The following ADAMTS17 variants were observed in gnomAD, a reference collection of about 807,000 sequenced individuals.
ADAMTS17 encodes ADAM metallopeptidase with thrombospondin type 1 motif 17, also known as A disintegrin and metalloproteinase with thrombospondin motifs 17.
Under a neutral mutation model 141.5 loss-of-function variants are expected in ADAMTS17, and 113 were observed. The ratio of observed to expected loss-of-function variants is 0.80; its 90% confidence interval spans 0.69 to 0.93. ADAMTS17 has a LOEUF of 0.93. Ranked by LOEUF, ADAMTS17 falls within the 40% of genes least tolerant of loss-of-function variation. The pLI is 0.00. For synonymous variants in ADAMTS17, 768 were observed against 630.6 expected, an observed-to-expected ratio of 1.22 and a Z score of -3.27; for missense variants, 1,659 against 1,517.9, an observed-to-expected ratio of 1.09 and a Z score of -1.54.
At chr15:100,001,994 CAAAAAAAAAAA>C (rs71151931) in intron 18 of ADAMTS17, among the ~76,000 whole-genome samples, 1 of 58,386 alleles carries the variant, frequency 1.7e-5, no homozygotes, top group South Asian at 8.0e-4. Context: ...AGGCCAAACC[CAAAAAAAAAAA>C]AAAAAAAAAA....
chr15:99,999,999 G>A (rs776575634), intron 18 of ADAMTS17, among the ~76,000 whole-genome samples: 5 of 152,194 alleles, frequency 3.3e-5, no homozygotes, highest in African/African-American at 7.2e-5. Context: ...TGGCTCGCAT[G>A]GCAGGGATGG....
chr15:100,096,550 T>G, intron 14 of ADAMTS17, 74 bp from the exon 15 acceptor site: 1 of 1,606,644 alleles, frequency 6.2e-7, no homozygotes, highest in Non-Finnish European at 8.5e-7. Flanking sequence ...CCTGCAAGGC[T>G]AACTTTTCCA....
At chr15:100,051,470 C>A in intron 17 of ADAMTS17, 102 bp downstream of exon 17, 2 of 1,513,152 alleles carry the variant, frequency 1.3e-6, no homozygotes, top group Non-Finnish European at 1.8e-6. Context: ...CATGGAGCTA[C>A]AGGTTGCAGA....
intron 12 of ADAMTS17, chr15:100,128,356 GGGA>G (rs1459234454): frequency 6.6e-6 from 1 of 152,242 alleles, no homozygotes; most frequent in Non-Finnish European, 1.5e-5. Flanking sequence ...GCCTGCGGCT[GGGA>G]GGAGTGGGAA....
chr15:100,222,377 C>T (rs538417826), intron 7 of ADAMTS17, among the ~76,000 whole-genome samples: 11 of 152,300 alleles, frequency 7.2e-5, no homozygotes, highest in East Asian at 5.8e-4. Context: ...GGCCACAGCA[C>T]GTCTGAACAG....
At chr15:100,166,393 T>C (rs1456511431) in intron 8 of ADAMTS17, among the ~76,000 whole-genome samples, 3 of 152,220 alleles carry the variant, frequency 2.0e-5, no homozygotes, top group Non-Finnish European at 4.4e-5. Context: ...TCTTGCCTTA[T>C]GAAATTGAAC....
At chr15:100,251,105 G>C (rs1329233821) in intron 7 of ADAMTS17, among the ~76,000 whole-genome samples, 2 of 152,166 alleles carry the variant, frequency 1.3e-5, no homozygotes, top group Non-Finnish European at 2.9e-5. Flanking sequence ...AAAGGCATCA[G>C]CTCCCTTGGA....
chr15:100,029,494 G>T (rs2029916900), intron 18 of ADAMTS17, among the ~76,000 whole-genome samples: 1 of 152,020 alleles, frequency 6.6e-6, no homozygotes. Flanking sequence ...TGTCAATTAG[G>T]GCATCCGGCT....
At chr15:100,324,904 T>C (rs1467191407) in intron 3 of ADAMTS17, among the ~76,000 whole-genome samples, 1 of 152,146 alleles carries the variant, frequency 6.6e-6, no homozygotes, top group Admixed American at 6.5e-5. Context: ...ACAAGGAAAC[T>C]GAAGCTCAGA....
At chr15:100,137,635 T>C (rs1053406768) in intron 10 of ADAMTS17, among the ~76,000 whole-genome samples, 1 of 152,120 alleles carries the variant, frequency 6.6e-6, no homozygotes, top group Non-Finnish European at 1.5e-5. Flanking sequence ...TAATAAAGGA[T>C]AGTTCTTATA....
intron 3 of ADAMTS17, among the ~76,000 whole-genome samples, chr15:100,281,939 G>A (rs139547379): frequency 2.8e-4 from 43 of 152,172 alleles, no homozygotes; most frequent in African/African-American, 9.6e-4. Context: ...ATAATCAGAA[G>A]GAAAATCATA....
intron 13 of ADAMTS17, among the ~76,000 whole-genome samples, chr15:100,112,507 TTC>T (rs1297021146): frequency 1.3e-5 from 2 of 152,078 alleles, no homozygotes; most frequent in African/African-American, 4.8e-5. Flanking sequence ...TCCCTCAAAA[TTC>T]TCTATTTCCC....
chr15:100,183,899 C>A (rs1050640130), intron 8 of ADAMTS17, among the ~76,000 whole-genome samples: 1 of 152,218 alleles, frequency 6.6e-6, no homozygotes, highest in African/African-American at 2.4e-5. Context: ...GGCTCCTCTT[C>A]AGTCGCTGCT....
chr15:100,133,315 G>A lies in ADAMTS17; in HGVS notation c.1474C>T (p.His492Tyr), dbSNP rs182865620. 42 of 1,580,120 alleles carry A rather than the reference G, an allele frequency of 2.7e-5. No individual in the cohort carries two copies. The Middle Eastern group carries it at 5.0e-4, about 19-fold the overall frequency. The change falls in exon 11 of 22, where the codon CAT becomes TAT. Residue 492 changes from histidine (H) to tyrosine (Y), a missense_variant and splice_region_variant. Physicochemically the swap from His to Tyr is moderately conservative, Grantham distance 83. Coordinates refer to ENST00000268070, the MANE Select transcript of ADAMTS17 (RefSeq NM_139057.4). Reference sequence around the variant, plus strand: ...CACCACAGTCCAGCACACATTAGATGCTGCAGGACAAGGGAAGGAACCATA... The same window carrying A: ...CACCACAGTCCAGCACACATTAGATACTGCAGGACAAGGGAAGGAACCATA... Reference protein sequence around the residue: ...MNATFCRNMEHLMCAGLWCLV... With the variant: ...MNATFCRNMEYLMCAGLWCLV...
At chr15:100,257,624 C>T (rs1193231472) in intron 6 of ADAMTS17, among the ~76,000 whole-genome samples, 1 of 152,256 alleles carries the variant, frequency 6.6e-6, no homozygotes, top group Non-Finnish European at 1.5e-5. Flanking sequence ...ACCTTGTTTT[C>T]TCTGTACCTG....
At chr15:100,015,371 T>C (rs1047811041) in intron 18 of ADAMTS17, among the ~76,000 whole-genome samples, 4 of 152,224 alleles carry the variant, frequency 2.6e-5, no homozygotes, top group African/African-American at 9.7e-5. Context: ...TGAGGTACCG[T>C]TGCATTTGTC....
At chr15:100,024,441 G>A (rs547272218) in intron 18 of ADAMTS17, among the ~76,000 whole-genome samples, 3 of 152,172 alleles carry the variant, frequency 2.0e-5, no homozygotes, top group African/African-American at 7.2e-5. Context: ...GTGCATACCT[G>A]GTCATTTGGG....
intron 12 of ADAMTS17, among the ~76,000 whole-genome samples, chr15:100,117,227 C>T (rs2037195080): frequency 6.6e-6 from 1 of 152,186 alleles, no homozygotes; most frequent in Non-Finnish European, 1.5e-5. Context: ...CATGAGAGAA[C>T]TGCAAATCAA....
At chr15:100,218,791 T>C (rs1010143020) in intron 7 of ADAMTS17, among the ~76,000 whole-genome samples, 3 of 151,514 alleles carry the variant, frequency 2.0e-5, no homozygotes, top group African/African-American at 7.4e-5. Flanking sequence ...TATGGAAACA[T>C]TGTTCACAAT....
Sources: gnomAD v4.1 joint callset for allele counts (sites outside exome capture counted in the v4.1 genomes callset) on GRCh38, gnomAD v4.1.1 for gene constraint, MANE v1.5 for transcripts, NCBI Gene and HGNC (gene_info 2026-07-23, HGNC 2026-07-21) for gene names.